The following NXPH1 variants were observed in gnomAD, a reference collection of about 807,000 sequenced individuals.
NXPH1 encodes the protein neurexophilin 1, also known as neurexophilin-1.
A neutral mutation model predicts 23.7 loss-of-function variants in NXPH1; 5 were observed. The ratio of observed to expected loss-of-function variants is 0.21; its 90% confidence interval spans 0.11 to 0.44. The LOEUF (loss-of-function observed/expected upper bound fraction) is 0.44. Ranked by LOEUF, NXPH1 falls within the 20% of genes least tolerant of loss-of-function variation. NXPH1 has a pLI of 0.99. For synonymous variants in NXPH1, 144 were observed against 122.2 expected (o/e 1.18, Z -1.18); for missense variants, 324 against 321.6 (o/e 1.01, Z -0.06).
chr7:8,475,093 CT>C (rs1208583671), intron 2 of NXPH1, among the ~76,000 whole-genome samples: 2 of 152,114 alleles, frequency 1.3e-5, no homozygotes, highest in East Asian at 3.9e-4. Context: ...GTGTTGAGAA[CT>C]TGTTTTCCTG....
At chr7:8,455,185 G>T (rs1203101370) in intron 2 of NXPH1, among the ~76,000 whole-genome samples, 1 of 152,042 alleles carries the variant, frequency 6.6e-6, no homozygotes, top group Non-Finnish European at 1.5e-5. Flanking sequence ...TATATTGTCA[G>T]TTCTCCTATA....
intron 2 of NXPH1, among the ~76,000 whole-genome samples, chr7:8,651,171 G>C (rs2115152276): frequency 6.7e-6 from 1 of 148,516 alleles, no homozygotes; most frequent in South Asian, 2.2e-4. Flanking sequence ...CCCTTCCTGT[G>C]TCCATGTGTT....
intron 2 of NXPH1, among the ~76,000 whole-genome samples, chr7:8,582,796 G>A (rs947958444): frequency 2.6e-5 from 4 of 152,180 alleles, no homozygotes; most frequent in African/African-American, 9.7e-5. Flanking sequence ...CAGCCCCCAT[G>A]CTTCAGGCTG....
chr7:8,542,335 A>G (rs1292849038), intron 2 of NXPH1, among the ~76,000 whole-genome samples: 3 of 151,714 alleles, frequency 2.0e-5, no homozygotes, highest in Non-Finnish European at 3.0e-5. Flanking sequence ...AAATACATGA[A>G]GCAAAAATTG....
chr7:8,746,917 T>C (rs1022965994), intron 2 of NXPH1, among the ~76,000 whole-genome samples: 8 of 152,136 alleles, frequency 5.3e-5, no homozygotes, highest in Non-Finnish European at 8.8e-5. Flanking sequence ...AGGGAGATTT[T>C]CTTTCAAGAA....
intron 2 of NXPH1, among the ~76,000 whole-genome samples, chr7:8,446,123 A>G (rs1010045108): frequency 6.6e-6 from 1 of 152,208 alleles, no homozygotes; most frequent in Non-Finnish European, 1.5e-5. Context: ...TTAAAATAGG[A>G]AGAATATAAA....
intron 2 of NXPH1, among the ~76,000 whole-genome samples, chr7:8,710,492 A>C (rs1237382982): frequency 6.6e-6 from 1 of 152,102 alleles, no homozygotes; most frequent in Admixed American, 6.5e-5. Flanking sequence ...TGGATTGAGG[A>C]ATTAAGCCTT....
intron 2 of NXPH1, among the ~76,000 whole-genome samples, chr7:8,534,075 G>A (rs993173696): frequency 1.3e-5 from 2 of 152,106 alleles, no homozygotes; most frequent in Non-Finnish European, 2.9e-5. Flanking sequence ...AACAACATCA[G>A]TTAAGTCATT....
chr7:8,685,522 A>G (rs1821133510), intron 2 of NXPH1, among the ~76,000 whole-genome samples: 1 of 151,896 alleles, frequency 6.6e-6, no homozygotes, highest in South Asian at 2.1e-4. Flanking sequence ...TGGACTGTTA[A>G]GTTGCTTCCA....
At chr7:8,741,059 T>A (rs1249019594) in intron 2 of NXPH1, among the ~76,000 whole-genome samples, 1 of 152,164 alleles carries the variant, frequency 6.6e-6, no homozygotes, top group Non-Finnish European at 1.5e-5. Context: ...ATTTCCTCCA[T>A]TCCCCAGCCT....
At chr7:8,603,000 G>A (rs576513591) in intron 2 of NXPH1, among the ~76,000 whole-genome samples, 22 of 152,174 alleles carry the variant, frequency 1.4e-4, no homozygotes, top group African/African-American at 5.1e-4. Context: ...TAGTAGAGAC[G>A]GGGTTTTACC....
chr7:8,528,876 A>T (rs1357708685), intron 2 of NXPH1, among the ~76,000 whole-genome samples: 2 of 152,220 alleles, frequency 1.3e-5, no homozygotes, highest in African/African-American at 4.8e-5. Flanking sequence ...AAAACAACAC[A>T]TATTTGTTAT....
intron 2 of NXPH1, among the ~76,000 whole-genome samples, chr7:8,621,490 C>CTTTTTTTTTTTTTTTTTTTTTTTTTTTT (rs113473603): frequency 7.1e-6 from 1 of 140,250 alleles, no homozygotes; most frequent in Admixed American, 7.5e-5. Context: ...GCTAGCCACT[C>CTTTTTTTTTTTTTTTTTTTTTTTTTTTT]TTTTTTTTTT....
intron 2 of NXPH1, among the ~76,000 whole-genome samples, chr7:8,741,852 T>A (rs928128298): frequency 6.6e-6 from 1 of 152,126 alleles, no homozygotes; most frequent in African/African-American, 2.4e-5. Flanking sequence ...ACAGGTAATT[T>A]ATTAAGTGCT....
intron 2 of NXPH1, among the ~76,000 whole-genome samples, chr7:8,449,360 A>G (rs1388681533): frequency 1.3e-5 from 2 of 152,186 alleles, no homozygotes; most frequent in Admixed American, 1.3e-4. Flanking sequence ...TTGACATTAG[A>G]GTGGGGAAGG....
At chr7:8,461,715 A>C (rs1468209208) in intron 2 of NXPH1, among the ~76,000 whole-genome samples, 7 of 150,498 alleles carry the variant, frequency 4.7e-5, no homozygotes, top group Non-Finnish European at 8.9e-5. Context: ...CTGTAGTCCC[A>C]GCTACTCGGG....
intron 2 of NXPH1, among the ~76,000 whole-genome samples, chr7:8,676,875 G>T (rs116085148): frequency 0.018 from 2,770 of 152,230 alleles, 47 homozygotes; most frequent in South Asian, 0.04. Flanking sequence ...AGGTGATTAA[G>T]GGGGAAAAGA....
At chr7:8,609,256 AC>A (rs1201586911) in intron 2 of NXPH1, among the ~76,000 whole-genome samples, 2 of 152,154 alleles carry the variant, frequency 1.3e-5, no homozygotes, top group African/African-American at 4.8e-5. Flanking sequence ...CAAATAAAAA[AC>A]CCAAAAACAT....
chr7:8,460,087 C>T (rs1403842003), intron 2 of NXPH1, among the ~76,000 whole-genome samples: 2 of 152,006 alleles, frequency 1.3e-5, no homozygotes, highest in African/African-American at 4.8e-5. Context: ...TATTTTTATA[C>T]AAAAGAAGCT....
Sources: allele counts gnomAD v4.1 joint callset (sites outside exome capture counted in the v4.1 genomes callset), GRCh38; gene constraint gnomAD v4.1.1; transcripts MANE v1.5; gene names NCBI Gene and HGNC (gene_info 2026-07-23, HGNC 2026-07-21).